The following CDKL2 variants were observed in gnomAD, a reference collection of about 807,000 sequenced individuals.
CDKL2 encodes cyclin-dependent kinase-like 2.
A neutral mutation model predicts 63.9 loss-of-function variants in CDKL2; 64 were observed. The ratio of observed to expected loss-of-function variants is 1.00; its 90% CI spans 0.82 to 1.23. The LOEUF is 1.23. CDKL2 is among the 50% of genes most tolerant of loss of function. The pLI is 0.00. For missense variants in CDKL2, 656 were observed against 668.0 expected (o/e 0.98, Z 0.20); for synonymous variants, 211 against 229.2 (o/e 0.92, Z 0.72).
chr4:75,614,192 G>T, intron 3 of CDKL2, 63 bp downstream of exon 3: 1 of 1,066,918 alleles, frequency 9.4e-7, no homozygotes, highest in Non-Finnish European at 1.4e-6. Context: ...AAATCAATAA[G>T]ACAGATTAAA....
Position 75,594,719 on chromosome 4 carries a change from G to A in CDKL2, c.1416+1528C>T, listed in dbSNP as rs7658303. On this transcript the variant is annotated intron_variant, in intron 10 of 13. Coordinates refer to ENST00000307465, the MANE Select transcript of CDKL2 (RefSeq NM_001330724.2). ...AAGAAGAGAAAAAGCAAATCCATTGGGTTATCTGGGGGAAGAATGTTCCAA... is the reference window on the plus strand; with the variant it reads ...AAGAAGAGAAAAAGCAAATCCATTGAGTTATCTGGGGGAAGAATGTTCCAA... 4.4e-3 allele frequency among the ~76,000 whole-genome samples: 674 copies of A among 152,214 alleles called. 1 individual carries two copies. The highest frequency in any genetic ancestry group is 0.015 in the African/African-American group (627 of 41,530).
intron 3 of CDKL2, among the ~76,000 whole-genome samples, chr4:75,609,437 C>T (rs2148894563): frequency 6.6e-6 from 1 of 151,310 alleles, no homozygotes; most frequent in Non-Finnish European, 1.5e-5. Context: ...AAACCCCGTC[C>T]CTAGTCAAAA....
intron 6 of CDKL2, 130 bp downstream of exon 6, chr4:75,603,687 C>A: frequency 1.5e-6 from 1 of 653,698 alleles, no homozygotes; most frequent in Non-Finnish European, 2.5e-6. Context: ...AGCACTCCAG[C>A]CTGTGTGACA....
chr4:75,613,298 C>T (rs1421689372), intron 3 of CDKL2, among the ~76,000 whole-genome samples: 1 of 152,000 alleles, frequency 6.6e-6, no homozygotes, highest in East Asian at 1.9e-4. Context: ...CATAACAAAA[C>T]TACACAATAA....
intron 6 of CDKL2, among the ~76,000 whole-genome samples, chr4:75,602,078 T>A (rs1307806473): frequency 5.3e-5 from 8 of 152,196 alleles, no homozygotes. Context: ...TGGCCATTTG[T>A]AAACTGGCTG....
At chr4:75,627,475 T>C (rs1192667156) in intron 1 of CDKL2, among the ~76,000 whole-genome samples, 2 of 152,090 alleles carry the variant, frequency 1.3e-5, no homozygotes, top group African/African-American at 2.4e-5. Flanking sequence ...TTTGCCATGT[T>C]GCCCAGGCTG....
intron 2 of CDKL2, among the ~76,000 whole-genome samples, chr4:75,617,038 C>T (rs75116488): frequency 0.13 from 19,123 of 152,024 alleles, 1,521 homozygotes; most frequent in South Asian, 0.35. Context: ...ATCGTGACTG[C>T]GACAAAATCC....
At chr4:75,617,363 T>G (rs1212475458) in intron 2 of CDKL2, among the ~76,000 whole-genome samples, 1 of 152,230 alleles carries the variant, frequency 6.6e-6, no homozygotes, top group Non-Finnish European at 1.5e-5. Flanking sequence ...CAGGTACTAT[T>G]CTAAGCACAA....
At chr4:75,615,574 G>T (rs576080929) in intron 2 of CDKL2, among the ~76,000 whole-genome samples, 1 of 152,284 alleles carries the variant, frequency 6.6e-6, no homozygotes, top group East Asian at 1.9e-4. Context: ...AACAACATGA[G>T]CATTGAATCC....
chr4:75,595,989 G>A (rs1444856708), intron 10 of CDKL2: 1 of 295,080 alleles, frequency 3.4e-6, no homozygotes. Context: ...AGGAAGGAAG[G>A]AAGGAAGGAA....
chr4:75,602,525 T>G (rs1170183909), intron 6 of CDKL2, among the ~76,000 whole-genome samples: 1 of 151,218 alleles, frequency 6.6e-6, no homozygotes, highest in Admixed American at 6.6e-5. Context: ...TATCCTTTAT[T>G]TATTTATTTA....
At chr4:75,623,529 A>G (rs1177049621) in intron 2 of CDKL2, among the ~76,000 whole-genome samples, 1 of 152,248 alleles carries the variant, frequency 6.6e-6, no homozygotes, top group Non-Finnish European at 1.5e-5. Context: ...CAAGTATTAG[A>G]TAATTAGACT....
intron 2 of CDKL2, among the ~76,000 whole-genome samples, 174 bp downstream of exon 2, chr4:75,625,647 A>G (rs557949721): frequency 2.6e-5 from 4 of 152,340 alleles, no homozygotes; most frequent in South Asian, 2.1e-4. Flanking sequence ...CAGACTATAG[A>G]TAGATGATTG....
At chr4:75,614,200 A>T in intron 3 of CDKL2, 55 bp downstream of exon 3, 1 of 1,136,260 alleles carries the variant, frequency 8.8e-7, no homozygotes, top group Non-Finnish European at 1.3e-6. Context: ...AAGACAGATT[A>T]AAGGATTAAT....
chr4:75,593,027 T>C (rs972651980), intron 10 of CDKL2, among the ~76,000 whole-genome samples: 1 of 152,146 alleles, frequency 6.6e-6, no homozygotes, highest in Admixed American at 6.6e-5. Flanking sequence ...CACAAACATA[T>C]GTATAATGAC....
chr4:75,591,998 A>T (rs1728735764), intron 11 of CDKL2, 73 bp from the exon 12 acceptor site: 2 of 1,345,628 alleles, frequency 1.5e-6, no homozygotes. Flanking sequence ...CACATTCTCT[A>T]CGTGTTCCTC....
At chr4:75,612,487 C>T (rs1199027364) in intron 3 of CDKL2, among the ~76,000 whole-genome samples, 1 of 152,162 alleles carries the variant, frequency 6.6e-6, no homozygotes, top group Non-Finnish European at 1.5e-5. Flanking sequence ...GTTCTTTTTG[C>T]TTACTGGTTC....
intron 1 of CDKL2, among the ~76,000 whole-genome samples, chr4:75,629,830 T>C (rs2148923038): frequency 6.6e-6 from 1 of 150,670 alleles, no homozygotes; most frequent in Admixed American, 6.6e-5. Context: ...CCCAGCTACT[T>C]GGGAGGCTGA....
At chr4:75,628,106 T>G (rs766564753) in intron 1 of CDKL2, among the ~76,000 whole-genome samples, 59 of 151,590 alleles carry the variant, frequency 3.9e-4, no homozygotes, top group Non-Finnish European at 7.7e-4. Flanking sequence ...TAATTTGAAT[T>G]TGTGTTTGAA....
Sources: allele counts gnomAD v4.1 joint callset (sites outside exome capture counted in the v4.1 genomes callset), GRCh38; gene constraint gnomAD v4.1.1; transcripts MANE v1.5; gene names NCBI Gene and HGNC (gene_info 2026-07-23, HGNC 2026-07-21).